Variants in DCAF8 observed in about 807,000 individuals in gnomAD.
The protein encoded by DCAF8 is DDB1- and CUL4-associated factor 8.
DCAF8 carries 20 observed loss-of-function variants against 68.0 expected under a neutral mutation model. That is an observed-to-expected ratio of 0.29 (90% CI 0.21 to 0.43). The LOEUF (loss-of-function observed/expected upper bound fraction) is 0.43. Ranked by LOEUF, DCAF8 falls within the 20% of genes least tolerant of loss-of-function variation. The probability of loss-of-function intolerance (pLI) is 1.00; values close to 1 mark genes in which losing one functional copy is unlikely to be tolerated. For missense variants in DCAF8, 460 were observed against 771.0 expected, an observed-to-expected ratio of 0.60 and a Z score of 4.78; for synonymous variants, 230 against 276.9, an observed-to-expected ratio of 0.83 and a Z score of 1.68.
At chr1:160,238,519 G>A (rs1655970832) in intron 5 of DCAF8, 88 bp downstream of exon 5, 4 of 1,400,924 alleles carry the variant, frequency 2.9e-6, no homozygotes, top group African/African-American at 2.9e-5. Flanking sequence ...CAACAAATGT[G>A]ACACAATGGG....
intron 2 of DCAF8, among the ~76,000 whole-genome samples, chr1:160,246,455 T>C (rs1656342653): frequency 6.6e-6 from 1 of 152,224 alleles, no homozygotes; most frequent in South Asian, 2.1e-4. Flanking sequence ...TCTAGAGCAG[T>C]GGTCTCCAAA....
At chr1:160,229,184 T>G (rs1381051072) in intron 7 of DCAF8, among the ~76,000 whole-genome samples, 1 of 151,814 alleles carries the variant, frequency 6.6e-6, no homozygotes, top group Non-Finnish European at 1.5e-5. Context: ...TAATCCCAGC[T>G]ACTTGGGAGG....
chr1:160,251,048 A>T (rs753502833), intron 2 of DCAF8, among the ~76,000 whole-genome samples: 3 of 152,090 alleles, frequency 2.0e-5, no homozygotes, highest in Non-Finnish European at 4.4e-5. Flanking sequence ...CATTCTCTCA[A>T]ACCAGTGCCT....
At chr1:160,234,535 A>G (rs964729851) in intron 6 of DCAF8, among the ~76,000 whole-genome samples, 2 of 152,134 alleles carry the variant, frequency 1.3e-5, no homozygotes, top group African/African-American at 4.8e-5. Context: ...CGCTCTATTC[A>G]TTACTTGCAC....
At chr1:160,262,405 A>C in intron 1 of DCAF8, 44 bp downstream of exon 1, 1 of 400,534 alleles carries the variant, frequency 2.5e-6, no homozygotes, top group Non-Finnish European at 4.4e-6. Flanking sequence ...TTCCAGGCCC[A>C]GCCGCCCCGT....
chr1:160,239,392 G>C, intron 4 of DCAF8: 1 of 1,407,644 alleles, frequency 7.1e-7, no homozygotes, highest in African/African-American at 1.4e-5. Context: ...AGAAGGGCTA[G>C]GATTTGAACT....
intron 4 of DCAF8, chr1:160,239,433 T>C: frequency 2.1e-6 from 3 of 1,434,576 alleles, no homozygotes; most frequent in Non-Finnish European, 2.7e-6. Context: ...CCTGTGCTTA[T>C]ACTACACTGC....
intron 11 of DCAF8, 73 bp downstream of exon 11, chr1:160,222,578 A>G (rs1655334541): frequency 1.9e-6 from 3 of 1,576,190 alleles, no homozygotes; most frequent in South Asian, 2.3e-5. Context: ...GTGAGAATTC[A>G]GTGTCCCTGC....
intron 6 of DCAF8, among the ~76,000 whole-genome samples, chr1:160,236,568 T>A (rs1002420302): frequency 1.3e-5 from 2 of 152,122 alleles, no homozygotes; most frequent in Non-Finnish European, 2.9e-5. Flanking sequence ...TCATAACTAG[T>A]AGTGCCTGAT....
chr1:160,237,027 G>A, intron 6 of DCAF8, 108 bp downstream of exon 6: 1 of 708,112 alleles, frequency 1.4e-6, no homozygotes, highest in Non-Finnish European at 2.3e-6. Context: ...TTAACCATAG[G>A]CACAAAGGTA....
chr1:160,253,647 CAAAAAAAAAA>C (rs747211563), intron 2 of DCAF8, among the ~76,000 whole-genome samples: 102 of 26,950 alleles, frequency 3.8e-3, no homozygotes, highest in Non-Finnish European at 6.8e-3. Context: ...GACTCCATCT[CAAAAAAAAAA>C]AAAAAAAAAA....
Position 160,233,648 on chromosome 1 carries a change from A to C in DCAF8, c.960-2241T>G, listed in dbSNP as rs116232064. On this transcript the variant is annotated intron_variant, in intron 6 of 13. Coordinates refer to ENST00000368074, the MANE Select transcript of DCAF8 (RefSeq NM_015726.4). ...CATTTCCTTAGCAATTTGAAATTTC[A>C]GAAGGACAAGGTCAAACAAATACAA... Among the ~76,000 whole-genome samples the C allele has an allele frequency of 5.2e-3, 791 of 152,314 alleles. 4 individuals are homozygous for C. Among genetic ancestry groups the C allele is most frequent in the Admixed American group, 9.5e-3 (146 of 15,306 alleles).
At chr1:160,253,858 G>A (rs1656712299) in intron 2 of DCAF8, among the ~76,000 whole-genome samples, 1 of 151,654 alleles carries the variant, frequency 6.6e-6, no homozygotes, top group Non-Finnish European at 1.5e-5. Flanking sequence ...AGAAGGTAAG[G>A]AGGATAGTCC....
At chr1:160,218,265 CT>C in intron 13 of DCAF8, 58 bp downstream of exon 13, 1 of 1,381,122 alleles carries the variant, frequency 7.2e-7, no homozygotes, top group Non-Finnish European at 1.0e-6. Flanking sequence ...TACTCTGGAA[CT>C]TTTTAGCCCT....
At chr1:160,217,892 A>G in intron 13 of DCAF8, 184 bp from the exon 14 acceptor site, 3 of 551,708 alleles carry the variant, frequency 5.4e-6, no homozygotes, top group Non-Finnish European at 9.6e-6. Context: ...AACTCATTGT[A>G]GCGTGAAGGC....
At chr1:160,255,914 A>G (rs1258603157) in intron 2 of DCAF8, among the ~76,000 whole-genome samples, 1 of 151,548 alleles carries the variant, frequency 6.6e-6, no homozygotes, top group Non-Finnish European at 1.5e-5. Flanking sequence ...GCCACCGTGC[A>G]TGGCCTCTGG....
In DCAF8 at chr1:160,240,155, T is replaced by C. The variant is rs1656053691; in HGVS notation, c.265A>G (p.Ile89Val). The change falls in exon 4 of 14, where the codon ATT becomes GTT. Residue 89 changes from isoleucine (I) to valine (V), a missense_variant. Ile to Val is a conservative substitution (Grantham distance 29). Transcript: ENST00000368074. ...DSMEDTGHYS[I>V]NDENRVHDRS... ...TCATGGACTCGATTTTCATCATTAA[T>C]GGAGTAATGACCAGTGTCCTCCATG... 5.0e-6 allele frequency: 8 copies of C among 1,613,948 alleles called. No individual in the cohort carries two copies. In the East Asian group the frequency reaches 8.9e-5, roughly 18 times the overall value.
intron 2 of DCAF8, among the ~76,000 whole-genome samples, chr1:160,255,103 G>A (rs1268366798): frequency 2.0e-5 from 3 of 152,092 alleles, no homozygotes; most frequent in East Asian, 1.9e-4. Context: ...TCCAAACATC[G>A]TATATAATAT....
chr1:160,228,063 A>T (rs892956623), intron 7 of DCAF8, among the ~76,000 whole-genome samples: 1 of 147,658 alleles, frequency 6.8e-6, no homozygotes, highest in African/African-American at 2.6e-5. Flanking sequence ...GAGATATTTA[A>T]TTAATTAAAA....
Sources: gnomAD v4.1 joint callset for allele counts (sites outside exome capture counted in the v4.1 genomes callset) on GRCh38, gnomAD v4.1.1 for gene constraint, MANE v1.5 for transcripts, NCBI Gene and HGNC (gene_info 2026-07-23, HGNC 2026-07-21) for gene names.